Variants in GRID2 observed in about 807,000 individuals in gnomAD.
GRID2 encodes the protein glutamate receptor ionotropic, delta-2.
In GRID2, 33 loss-of-function variants were observed where a neutral mutation model predicts 114.8. That is an observed-to-expected ratio of 0.29 (90% CI 0.22 to 0.38). The LOEUF (loss-of-function observed/expected upper bound fraction) is 0.38. Among genes scored for constraint, GRID2 ranks in the 10% least tolerant of loss-of-function variants. GRID2 has a pLI of 1.00. For synonymous variants in GRID2, 505 were observed against 449.9 expected, an observed-to-expected ratio of 1.12 and a Z score of -1.55; for missense variants, 1,184 against 1,257.7, an observed-to-expected ratio of 0.94 and a Z score of 0.89.
chr4:92,312,422 T>C (rs1015109679), intron 1 of GRID2, among the ~76,000 whole-genome samples: 1 of 152,102 alleles, frequency 6.6e-6, no homozygotes, highest in East Asian at 1.9e-4. Context: ...AAATGTACAG[T>C]TATCAGATTG....
chr4:92,667,143 C>T (rs553396108), intron 2 of GRID2, among the ~76,000 whole-genome samples: 105 of 151,728 alleles, frequency 6.9e-4, no homozygotes, highest in African/African-American at 2.3e-3. Flanking sequence ...CCACTAAAGC[C>T]TTCCCCTAGA....
intron 2 of GRID2, among the ~76,000 whole-genome samples, chr4:93,002,941 A>G (rs1243257557): frequency 6.6e-6 from 1 of 151,744 alleles, no homozygotes; most frequent in South Asian, 2.1e-4. Flanking sequence ...ACACACGACT[A>G]CATCCTTTTC....
chr4:93,292,104 T>A lies in GRID2; in HGVS notation c.1245+53614T>A, dbSNP rs1205467416. Reference sequence around the variant, plus strand: ...GCTCAGAAATTGTTTTTGCTCTTGGTGATTAAGGACTTGTGATTTTACATA... The same window carrying A: ...GCTCAGAAATTGTTTTTGCTCTTGGAGATTAAGGACTTGTGATTTTACATA... On this transcript the variant is annotated intron_variant, in intron 8 of 15. Transcript: ENST00000282020. 3.3e-5 allele frequency among the ~76,000 whole-genome samples: 5 copies of A among 152,342 alleles called. No homozygotes were observed. In the East Asian group the frequency reaches 9.7e-4, roughly 29 times the overall value.
At chr4:93,725,587 G>T (rs576908365) in intron 14 of GRID2, among the ~76,000 whole-genome samples, 5,802 of 150,242 alleles carry the variant, frequency 0.039, 185 homozygotes, top group African/African-American at 0.077. Flanking sequence ...TGAACTAGTT[G>T]ACAGTCCCAC....
At chr4:92,509,506 C>A (rs1354281065) in intron 1 of GRID2, among the ~76,000 whole-genome samples, 4 of 151,894 alleles carry the variant, frequency 2.6e-5, no homozygotes, top group African/African-American at 4.8e-5. Flanking sequence ...ATAAAACAGA[C>A]ATAAATGCTT....
intron 1 of GRID2, among the ~76,000 whole-genome samples, chr4:93,803,915 AACC>A (rs1284392767): frequency 6.6e-6 from 1 of 152,202 alleles, no homozygotes; most frequent in East Asian, 1.9e-4. Flanking sequence ...AAAAAACTAC[AACC>A]ATCATCACAC....
chr4:92,785,828 T>G (rs983158418), intron 2 of GRID2, among the ~76,000 whole-genome samples: 6 of 151,876 alleles, frequency 4.0e-5, no homozygotes, highest in Non-Finnish European at 5.9e-5. Context: ...TTTTGTGTAT[T>G]TTAGCTTTAA....
intron 2 of GRID2, among the ~76,000 whole-genome samples, chr4:93,035,517 G>C (rs924930959): frequency 1.3e-5 from 2 of 152,098 alleles, no homozygotes; most frequent in Non-Finnish European, 2.9e-5. Context: ...CATTGTTTCT[G>C]TGGGTCGCCT....
chr4:92,885,530 A>T (rs1390198093), intron 2 of GRID2, among the ~76,000 whole-genome samples: 1 of 152,230 alleles, frequency 6.6e-6, no homozygotes, highest in Non-Finnish European at 1.5e-5. Context: ...GCCAAGAATG[A>T]AAAGTGGGCT....
intron 2 of GRID2, among the ~76,000 whole-genome samples, chr4:92,750,358 C>T (rs1207609017): frequency 6.6e-6 from 1 of 152,168 alleles, no homozygotes; most frequent in African/African-American, 2.4e-5. Context: ...TTGCCTCCTG[C>T]CTATTCTACT....
chr4:92,744,411 C>T (rs1578134188), intron 2 of GRID2, among the ~76,000 whole-genome samples: 1 of 151,560 alleles, frequency 6.6e-6, no homozygotes, highest in Admixed American at 6.6e-5. Context: ...TTCCTTGAAC[C>T]CGGGAGGCGG....
intron 12 of GRID2, among the ~76,000 whole-genome samples, chr4:93,502,582 T>G (rs1206101207): frequency 6.6e-6 from 1 of 152,016 alleles, no homozygotes; most frequent in African/African-American, 2.4e-5. Context: ...GATGTTGGTA[T>G]GCTGCCCTCC....
chr4:93,086,013 C>A (rs1490159788), intron 3 of GRID2, among the ~76,000 whole-genome samples: 6 of 152,072 alleles, frequency 3.9e-5, no homozygotes, highest in African/African-American at 1.4e-4. Flanking sequence ...CTGAATTTAT[C>A]TACCTTTTTT....
At chr4:92,839,441 CCA>C (rs1265889185) in intron 2 of GRID2, among the ~76,000 whole-genome samples, 2 of 142,756 alleles carry the variant, frequency 1.4e-5, no homozygotes, top group Non-Finnish European at 3.0e-5. Context: ...ACAACAGTCC[CCA>C]GAGTGTGATG....
At chr4:93,320,457 A>C (rs1474674067) in intron 8 of GRID2, among the ~76,000 whole-genome samples, 1 of 152,118 alleles carries the variant, frequency 6.6e-6, no homozygotes, top group Non-Finnish European at 1.5e-5. Context: ...CTTCAGAAAA[A>C]CTGAATCAGA....
chr4:93,092,896 T>C (rs985373882), intron 3 of GRID2, among the ~76,000 whole-genome samples: 1 of 151,850 alleles, frequency 6.6e-6, no homozygotes, highest in Non-Finnish European at 1.5e-5. Context: ...GAGGAGAGTA[T>C]TGTACAGAGC....
intron 2 of GRID2, among the ~76,000 whole-genome samples, chr4:92,860,961 A>G (rs1744486353): frequency 6.6e-6 from 1 of 152,082 alleles, no homozygotes; most frequent in Admixed American, 6.6e-5. Context: ...AAAGACACTT[A>G]ATGAGATAAT....
chr4:93,147,316 C>A (rs1162289273), intron 4 of GRID2, among the ~76,000 whole-genome samples: 1 of 152,074 alleles, frequency 6.6e-6, no homozygotes, highest in African/African-American at 2.4e-5. Flanking sequence ...AGTCTTAATG[C>A]CTACCATTCT....
chr4:93,075,814 A>G (rs546669482), intron 2 of GRID2, among the ~76,000 whole-genome samples: 9 of 151,826 alleles, frequency 5.9e-5, no homozygotes, highest in Non-Finnish European at 1.2e-4. Flanking sequence ...AAAGCTAAAT[A>G]AATGAAGTTA....
Sources: allele counts gnomAD v4.1 joint callset (sites outside exome capture counted in the v4.1 genomes callset), GRCh38; gene constraint gnomAD v4.1.1; transcripts MANE v1.5; gene names NCBI Gene and HGNC (gene_info 2026-07-23, HGNC 2026-07-21).